Variants in CPED1 observed in about 807,000 individuals in gnomAD.
The protein encoded by CPED1 is cadherin-like and PC-esterase domain-containing protein 1.
Under a neutral mutation model 128.2 loss-of-function variants are expected in CPED1, and 114 were observed. That is an observed-to-expected ratio of 0.89 (90% confidence interval 0.76 to 1.04). CPED1 has a LOEUF of 1.04. Ranked by LOEUF, CPED1 falls within the 50% of genes least tolerant of loss-of-function variation. CPED1 has a pLI of 0.00. For missense variants in CPED1, 1,211 were observed against 1,207.1 expected (o/e 1.00, Z -0.05); for synonymous variants, 462 against 426.7 (o/e 1.08, Z -1.02).
intron 16 of CPED1, among the ~76,000 whole-genome samples, chr7:121,186,423 A>C (rs1797003877): frequency 6.6e-6 from 1 of 152,128 alleles, no homozygotes; most frequent in South Asian, 2.1e-4. Flanking sequence ...TCTATTTGAA[A>C]TTCCAGATAT....
chr7:121,171,304 A>T (rs1796644670), intron 16 of CPED1, among the ~76,000 whole-genome samples: 1 of 152,170 alleles, frequency 6.6e-6, no homozygotes, highest in South Asian at 2.1e-4. Context: ...TTTTCCAAAG[A>T]CTGAGTTTGT....
chr7:121,199,786 T>C (rs1355422503), intron 16 of CPED1, among the ~76,000 whole-genome samples: 2 of 151,656 alleles, frequency 1.3e-5, no homozygotes, highest in Non-Finnish European at 2.9e-5. Context: ...GGAAAGATAA[T>C]GTGAACCACA....
chr7:121,028,874 A>G (rs1792662028), intron 3 of CPED1, among the ~76,000 whole-genome samples: 1 of 152,202 alleles, frequency 6.6e-6, no homozygotes, highest in South Asian at 2.1e-4. Flanking sequence ...ACCAACAAAG[A>G]TAATTAATGT....
At chr7:121,028,310 C>T (rs1792647217) in intron 3 of CPED1, among the ~76,000 whole-genome samples, 1 of 152,104 alleles carries the variant, frequency 6.6e-6, no homozygotes, top group South Asian at 2.1e-4. Context: ...TATGGTTTTT[C>T]AGCTTTTCTT....
chr7:121,209,209 C>T (rs1376554921), intron 16 of CPED1, among the ~76,000 whole-genome samples: 1 of 151,922 alleles, frequency 6.6e-6, no homozygotes, highest in East Asian at 1.9e-4. Context: ...CACTAATGAT[C>T]CATCATCGAA....
At chr7:121,051,381 T>TG (rs1793349866) in intron 4 of CPED1, 1 of 444,008 alleles carries the variant, frequency 2.3e-6, no homozygotes, top group African/African-American at 2.1e-5. Context: ...TTTTTTTTTT[T>TG]TAGAGGTAAA....
In CPED1 at chr7:121,194,048, A is replaced by ATTTTTTTT. The variant is rs68159246; in HGVS notation, c.2056-42655_2056-42648dup. ...TATATATATATATATATATATATAT[A>ATTTTTTTT]TTTTTTTTTTTTTTTTTTGAGACAG... On this transcript the variant is annotated intron_variant, in intron 16 of 22. Coordinates refer to ENST00000310396, the MANE Select transcript of CPED1 (RefSeq NM_024913.5). 7.8e-4 allele frequency among the ~76,000 whole-genome samples: 37 copies of ATTTTTTTT among 47,456 alleles called. 1 individual carries two copies. Among genetic ancestry groups the ATTTTTTTT allele is most frequent in the African/African-American group, 2.5e-3 (31 of 12,182 alleles). The allele number at this position is 47,456 out of a possible 152,430, so 31.1% of individuals were successfully genotyped here.
intron 18 of CPED1, among the ~76,000 whole-genome samples, chr7:121,244,746 G>A (rs550311892): frequency 1.3e-5 from 2 of 152,300 alleles, no homozygotes; most frequent in South Asian, 2.1e-4. Flanking sequence ...GAAATCAAAA[G>A]GTCCTGCATG....
chr7:121,100,170 C>A, intron 7 of CPED1, 76 bp downstream of exon 7: 1 of 1,330,296 alleles, frequency 7.5e-7, no homozygotes, highest in Non-Finnish European at 1.1e-6. Context: ...TGCCATTTTC[C>A]CACCTTTATG....
Position 121,163,686 on chromosome 7 carries a change from A to G in CPED1, c.2055+21545A>G, listed in dbSNP as rs1033779088. Among the ~76,000 whole-genome samples the G allele has an allele frequency of 1.3e-5, 2 of 152,244 alleles. 1 individual carries two copies. The highest frequency in any genetic ancestry group is 1.3e-4 in the Admixed American group (2 of 15,288). ...AGCAGGATTACTTGGCATTTATAGT[A>G]TAGGATTCCCTCTAAATAAGAGAGG... On this transcript the variant is annotated intron_variant, in intron 16 of 22. Coordinates refer to ENST00000310396, the MANE Select transcript of CPED1 (RefSeq NM_024913.5).
Position 121,099,911 on chromosome 7 carries a change from T to C in CPED1, c.750-15T>C. The C allele has an allele frequency of 2.9e-6, 2 of 693,090 alleles. No homozygotes were observed. The highest frequency in any genetic ancestry group is 1.8e-6 in the Non-Finnish European group (1 of 551,026). 42.9% of individuals were successfully genotyped at this position (693,090 alleles called of 1,614,324 possible). ...TACATTATGGAGCGCTAACTATGTTTTTTTTTTTTTTTAGGAATGAAACGA... is the reference window on the plus strand; with the variant it reads ...TACATTATGGAGCGCTAACTATGTTCTTTTTTTTTTTTAGGAATGAAACGA... On this transcript the variant is annotated splice_polypyrimidine_tract_variant and intron_variant, in intron 6 of 22. Transcript: ENST00000310396.
chr7:121,170,909 G>T (rs1796637361), intron 16 of CPED1, among the ~76,000 whole-genome samples: 2 of 151,966 alleles, frequency 1.3e-5, no homozygotes, highest in African/African-American at 4.8e-5. Context: ...AAATTAGCGG[G>T]TGTGGTGGCC....
chr7:121,000,343 G>A (rs2116759131), intron 2 of CPED1, among the ~76,000 whole-genome samples: 1 of 152,228 alleles, frequency 6.6e-6, no homozygotes, highest in South Asian at 2.1e-4. Flanking sequence ...GTAACATTAA[G>A]CATTTTGACT....
At chr7:121,059,695 T>TG (rs1426498022) in intron 4 of CPED1, among the ~76,000 whole-genome samples, 3 of 78,662 alleles carry the variant, frequency 3.8e-5, no homozygotes, top group African/African-American at 8.7e-5. Flanking sequence ...AATATATTTT[T>TG]GCCTTATTAA....
intron 14 of CPED1, among the ~76,000 whole-genome samples, chr7:121,140,108 T>C (rs1407005690): frequency 6.6e-6 from 1 of 152,070 alleles, no homozygotes; most frequent in Admixed American, 6.6e-5. Context: ...TTTCTTTCTT[T>C]CTCACTGAAA....
chr7:121,268,324 T>C (rs865853148), intron 21 of CPED1, among the ~76,000 whole-genome samples: 170 of 152,068 alleles, frequency 1.1e-3, no homozygotes, highest in African/African-American at 3.9e-3. Flanking sequence ...CCTTTACTTA[T>C]ACTTAGGTTA....
At chr7:121,146,527 T>G (rs531283231) in intron 16 of CPED1, among the ~76,000 whole-genome samples, 1 of 152,268 alleles carries the variant, frequency 6.6e-6, no homozygotes, top group African/African-American at 2.4e-5. Context: ...CCCTATTCTC[T>G]TACCTTCTGA....
rs1160203035 is a variant in CPED1, at chr7:121,199,673, CAAAAAAAA to C, written c.2056-37021_2056-37014del. 9.7e-4 allele frequency among the ~76,000 whole-genome samples: 84 copies of C among 86,932 alleles called. 1 individual carries two copies. Among genetic ancestry groups the C allele is most frequent in the African/African-American group, 3.6e-3 (78 of 21,646 alleles). 57.0% of individuals were successfully genotyped at this position (86,932 alleles called of 152,430 possible). A position where few individuals can be genotyped will look rare whatever the true frequency, so the allele number is the denominator to read the frequency against. ...GCCTGGCAACAGAGTGAGACTCCAT[CAAAAAAAA>C]AAAAAAAAAAAAAAAAAAAGAAAGA... On this transcript the variant is annotated intron_variant, in intron 16 of 22. Coordinates refer to ENST00000310396, the MANE Select transcript of CPED1 (RefSeq NM_024913.5).
At chr7:121,283,585 C>T (rs1298425705) in intron 22 of CPED1, among the ~76,000 whole-genome samples, 1 of 152,112 alleles carries the variant, frequency 6.6e-6, no homozygotes, top group African/African-American at 2.4e-5. Context: ...CCCTCTTTAC[C>T]CTGACTCTGT....
Sources: allele counts gnomAD v4.1 joint callset (sites outside exome capture counted in the v4.1 genomes callset), GRCh38; gene constraint gnomAD v4.1.1; transcripts MANE v1.5; gene names NCBI Gene and HGNC (gene_info 2026-07-23, HGNC 2026-07-21).